The following PEAK1 variants were observed in gnomAD, a reference collection of about 807,000 sequenced individuals.
PEAK1 encodes inactive tyrosine-protein kinase PEAK1.
In PEAK1, 54 loss-of-function variants were observed where a neutral mutation model predicts 124.7. That is an observed-to-expected ratio of 0.43 (90% confidence interval 0.35 to 0.54). The LOEUF (loss-of-function observed/expected upper bound fraction) is 0.54. PEAK1 is among the 20% of genes least tolerant of loss of function. PEAK1 has a pLI of 0.01. For missense variants in PEAK1, 2,046 were observed against 2,134.5 expected (o/e 0.96, Z 0.82); for synonymous variants, 719 against 760.0 (o/e 0.95, Z 0.89).
intron 2 of PEAK1, among the ~76,000 whole-genome samples, chr15:77,324,779 T>C (rs553140690): frequency 5.3e-5 from 8 of 152,242 alleles, no homozygotes; most frequent in African/African-American, 1.4e-4. Context: ...CTCACTATTG[T>C]GAAGACAGTA....
rs906585509 is a variant in PEAK1, at chr15:77,114,970, C to T, written c.4427G>A (p.Arg1476Gln). 18 of 1,613,976 alleles carry T rather than the reference C, an allele frequency of 1.1e-5. No individual in the cohort carries two copies. Among genetic ancestry groups the T allele is most frequent in the African/African-American group, 4.0e-5 (3 of 74,880 alleles). Reference sequence around the variant, plus strand: ...TTTCCCATGCTGGGCCAGAGAGTCTCGCACAAAATCAGCCACAGTAAGACA... The same window carrying T: ...TTTCCCATGCTGGGCCAGAGAGTCTTGCACAAAATCAGCCACAGTAAGACA... Reference protein sequence around the residue: ...VPCLTVADFVRDSLAQHGKSP... With the variant: ...VPCLTVADFVQDSLAQHGKSP... Residue 1476 changes from arginine (R) to glutamine (Q), a missense_variant, in exon 10 of 10, where the codon CGA becomes CAA. Transcript: ENST00000682557.
chr15:77,174,412 C>T (rs990596884), intron 7 of PEAK1, among the ~76,000 whole-genome samples: 24 of 152,282 alleles, frequency 1.6e-4, no homozygotes, highest in Non-Finnish European at 2.9e-4. Context: ...GATCACACTG[C>T]CATCAAGCCT....
intron 6 of PEAK1, among the ~76,000 whole-genome samples, chr15:77,233,290 T>C (rs2059984267): frequency 2.0e-5 from 3 of 152,200 alleles, no homozygotes; most frequent in Admixed American, 2.0e-4. Flanking sequence ...TTCCCATCAG[T>C]TCAACAAAAC....
intron 2 of PEAK1, among the ~76,000 whole-genome samples, chr15:77,308,244 G>A (rs1427663459): frequency 1.3e-5 from 2 of 152,002 alleles, no homozygotes; most frequent in Non-Finnish European, 2.9e-5. Flanking sequence ...ATCTCTCTGA[G>A]CTTCCTTCCA....
At chr15:77,202,674 G>T (rs1199773534) in intron 6 of PEAK1, among the ~76,000 whole-genome samples, 1 of 149,252 alleles carries the variant, frequency 6.7e-6, no homozygotes, top group Admixed American at 6.7e-5. Context: ...GGAGGCTGAG[G>T]CAGGAGAATG....
In PEAK1 at chr15:77,133,035, T is replaced by A; in HGVS notation, c.4047A>T (p.Ala1349=). 6.2e-7 allele frequency: 1 copy of A among 1,611,522 alleles called. No individual in the cohort carries two copies. The highest frequency in any genetic ancestry group is 8.5e-7 in the Non-Finnish European group (1 of 1,177,752). The change falls in exon 9 of 10, where the codon GCA becomes GCT. Residue 1349 remains alanine (A), a synonymous_variant. Transcript: ENST00000682557. This position sits in a 1 kb window ranked among gnomAD's most constrained non-coding sequence, Gnocchi z 4.2. ...CTGCATAGTTATTAAGTGGATCTTT[T>A]GCATATGAAGCAGTATAGTAAACCG... The part of the protein sequence containing the change: ...GDAVYYTASY[A]KDPLNNYAVK...
chr15:77,259,332 A>G (rs2061325361), intron 5 of PEAK1, among the ~76,000 whole-genome samples: 1 of 152,150 alleles, frequency 6.6e-6, no homozygotes, highest in Admixed American at 6.5e-5. Context: ...TTAGTATCTC[A>G]TAATAGAGAC....
At chr15:77,364,995 T>A (rs556564870) in intron 2 of PEAK1, among the ~76,000 whole-genome samples, 168 bp downstream of exon 2, 3 of 152,238 alleles carry the variant, frequency 2.0e-5, no homozygotes. Flanking sequence ...TTCAAATGTC[T>A]TATAAACATG....
chr15:77,417,323 T>C (rs1341892560), intron 1 of PEAK1: 1 of 977,882 alleles, frequency 1.0e-6, no homozygotes, highest in South Asian at 4.7e-5. Flanking sequence ...ATGTAAACTA[T>C]CTATTCCTGG....
intron 2 of PEAK1, among the ~76,000 whole-genome samples, chr15:77,341,386 G>C (rs1387942918): frequency 6.6e-6 from 1 of 152,066 alleles, no homozygotes; most frequent in Non-Finnish European, 1.5e-5. Flanking sequence ...TGTAATCCCA[G>C]CTCCTCGGGA....
chr15:77,395,014 TAAAC>T (rs2070771986), intron 1 of PEAK1, among the ~76,000 whole-genome samples: 1 of 152,126 alleles, frequency 6.6e-6, no homozygotes, highest in Non-Finnish European at 1.5e-5. Flanking sequence ...GTTAAAAATT[TAAAC>T]AAACTAAAAT....
At chr15:77,305,289 C>T (rs997435712) in intron 2 of PEAK1, among the ~76,000 whole-genome samples, 3 of 151,966 alleles carry the variant, frequency 2.0e-5, no homozygotes, top group African/African-American at 4.8e-5. Flanking sequence ...TTAGAAATCA[C>T]TAAACAAATA....
intron 2 of PEAK1, among the ~76,000 whole-genome samples, chr15:77,296,039 T>C (rs991881511): frequency 4.6e-5 from 7 of 152,190 alleles, no homozygotes; most frequent in African/African-American, 1.4e-4. Flanking sequence ...ACTTTGTAGA[T>C]GGAAAAGGAA....
intron 7 of PEAK1, among the ~76,000 whole-genome samples, chr15:77,170,327 A>G (rs928433928): frequency 2.0e-5 from 3 of 152,210 alleles, no homozygotes; most frequent in African/African-American, 4.8e-5. Context: ...CAATTTTAAG[A>G]TAGTCCCAAT....
At chr15:77,380,447 C>T (rs977404905) in intron 1 of PEAK1, among the ~76,000 whole-genome samples, 1 of 152,076 alleles carries the variant, frequency 6.6e-6, no homozygotes, top group African/African-American at 2.4e-5. Context: ...TTATTATGTA[C>T]GTGGTCCACT....
At chr15:77,150,324 A>C (rs1038805177) in intron 8 of PEAK1, among the ~76,000 whole-genome samples, 2 of 151,984 alleles carry the variant, frequency 1.3e-5, no homozygotes, top group African/African-American at 2.4e-5. Context: ...TGGTTCTGTG[A>C]CTTTAGGAAA....
At chr15:77,208,785 CAG>C (rs1168236254) in intron 6 of PEAK1, among the ~76,000 whole-genome samples, 2 of 152,120 alleles carry the variant, frequency 1.3e-5, no homozygotes, top group African/African-American at 2.4e-5. Flanking sequence ...TTTGGTAAGA[CAG>C]AAATACTTAA....
intron 2 of PEAK1, among the ~76,000 whole-genome samples, chr15:77,321,200 G>A (rs970684044): frequency 1.3e-5 from 2 of 152,170 alleles, no homozygotes; most frequent in African/African-American, 4.8e-5. Context: ...GGGTCAAATG[G>A]TATTTCTAGT....
At chr15:77,237,697 T>A (rs961155062) in intron 6 of PEAK1, among the ~76,000 whole-genome samples, 2 of 152,156 alleles carry the variant, frequency 1.3e-5, no homozygotes, top group Non-Finnish European at 2.9e-5. Context: ...CCCACTATGA[T>A]CTTGGTTTTT....
Sources: allele counts gnomAD v4.1 joint callset (sites outside exome capture counted in the v4.1 genomes callset), GRCh38; gene constraint gnomAD v4.1.1; non-coding constraint Gnocchi (gnomAD v3.1); transcripts MANE v1.5; gene names NCBI Gene and HGNC (gene_info 2026-07-23, HGNC 2026-07-21).